Variants in PLD2 observed in about 807,000 individuals in gnomAD.
PLD2 encodes the protein phospholipase D2, also known as choline phosphatase 2.
Under a neutral mutation model 119.8 loss-of-function variants are expected in PLD2, and 101 were observed. The observed-to-expected ratio is 0.84, with a 90% CI of 0.72 to 0.99. The LOEUF (loss-of-function observed/expected upper bound fraction) is 0.99. Among genes scored for constraint, PLD2 ranks in the 50% least tolerant of loss-of-function variants. The probability of loss-of-function intolerance (pLI) is 0.00; values close to 1 mark genes in which losing one functional copy is unlikely to be tolerated. For synonymous variants in PLD2, 494 were observed against 482.8 expected (o/e 1.02, Z -0.30); for missense variants, 1,164 against 1,226.8 (o/e 0.95, Z 0.76).
Position 4,823,059 on chromosome 17 carries a change from G to A in PLD2, c.*195G>A. 1 of 568,266 alleles carries A rather than the reference G, an allele frequency of 1.8e-6. No homozygotes were observed. The highest frequency in any genetic ancestry group is 3.1e-6 in the Non-Finnish European group (1 of 318,708). The allele number at this position is 568,266 out of a possible 1,614,324, so 35.2% of individuals were successfully genotyped here. On this transcript the variant is annotated 3_prime_UTR_variant, in exon 25 of 25. Coordinates refer to ENST00000263088, the MANE Select transcript of PLD2 (RefSeq NM_002663.5). Reference sequence around the variant, plus strand: ...AAAGGGCACTCCCAACCCTGGGCTGGGGAGGAGGAGAGAGTCCCAGAGCTC... The same window carrying A: ...AAAGGGCACTCCCAACCCTGGGCTGAGGAGGAGGAGAGAGTCCCAGAGCTC...
rs757648809 is a variant in PLD2 at position 4,819,481 on chromosome 17, G to A, written c.2361G>A (p.Leu787=). The A allele has an allele frequency of 5.0e-6, 8 of 1,613,994 alleles. No individual in the cohort carries two copies. Among genetic ancestry groups the A allele is most frequent in the South Asian group, 1.1e-5 (1 of 91,068 alleles). The change falls in exon 23 of 25, where the codon CTG becomes CTA. Residue 787 remains leucine (L), a synonymous_variant. Transcript: ENST00000263088. This position sits in a 1 kb window ranked among gnomAD's most constrained non-coding sequence, Gnocchi z 4.2. ...RSLLGKRDSE[L]AVLIEDTETE... Reference sequence around the variant, plus strand: ...TGCTGGGGAAGCGGGACAGTGAGCTGGCCGTGCTGATCGAGGACACAGAGA... The same window carrying A: ...TGCTGGGGAAGCGGGACAGTGAGCTAGCCGTGCTGATCGAGGACACAGAGA...
intron 17 of PLD2, among the ~76,000 whole-genome samples, chr17:4,817,532 C>T (rs749554734): frequency 1.3e-5 from 2 of 151,032 alleles, no homozygotes; most frequent in African/African-American, 2.4e-5. Context: ...CGTGGTGGTG[C>T]GTACCTGTAG....
At position 4,819,423 on chromosome 17, in the gene PLD2, C is replaced by G; in HGVS notation, c.2309-6C>G. On this transcript the variant is annotated splice_polypyrimidine_tract_variant and splice_region_variant and intron_variant, in intron 22 of 24. Coordinates refer to ENST00000263088, the MANE Select transcript of PLD2 (RefSeq NM_002663.5). This position sits in a 1 kb window ranked among gnomAD's most constrained non-coding sequence, Gnocchi z 4.2. ...AAGCACACAGTGTGCCCCGCATCCA[C>G]CCCAGGTTCTGCAAACATCAATGAC... 1 of 1,613,002 alleles carries G rather than the reference C, an allele frequency of 6.2e-7. No homozygotes were observed. Among genetic ancestry groups the G allele is most frequent in the South Asian group, 1.1e-5 (1 of 90,930 alleles).
Position 4,819,590 on chromosome 17 carries a change from T to A in PLD2, c.2462+8T>A. 1 of 1,599,490 alleles carries A rather than the reference T, an allele frequency of 6.3e-7. No individual in the cohort carries two copies. Among genetic ancestry groups the A allele is most frequent in the Non-Finnish European group, 8.5e-7 (1 of 1,171,450 alleles). The stretch of plus-strand genomic sequence containing the variant: ...GCGGAAGCACTGCTTCGGGTAGAGC[T>A]GGGGCGGGATGCCACAGGGTGGGAG... On this transcript the variant is annotated splice_region_variant and intron_variant, in intron 23 of 24. Transcript: ENST00000263088. This position sits in a 1 kb window ranked among gnomAD's most constrained non-coding sequence, Gnocchi z 4.2.
intron 12 of PLD2, 95 bp downstream of exon 12, chr17:4,814,806 G>A: frequency 9.1e-7 from 1 of 1,097,792 alleles, no homozygotes; most frequent in Non-Finnish European, 1.4e-6. Context: ...GCAGTCTGAG[G>A]CTTCAGGGGA....
intron 23 of PLD2, among the ~76,000 whole-genome samples, chr17:4,821,484 C>T (rs1409943125): frequency 1.3e-5 from 2 of 152,052 alleles, no homozygotes; most frequent in African/African-American, 4.8e-5. Flanking sequence ...ACCTCGACTT[C>T]GCCAGCTGAA....
At chr17:4,814,913 C>T (rs1906824694) in intron 12 of PLD2, among the ~76,000 whole-genome samples, 1 of 152,136 alleles carries the variant, frequency 6.6e-6, no homozygotes. Context: ...TTCATGCTCC[C>T]TCCACCTGGC....
intron 8 of PLD2, 29 bp downstream of exon 8, chr17:4,809,812 G>A (rs760771642): frequency 8.7e-6 from 14 of 1,613,942 alleles, no homozygotes; most frequent in East Asian, 4.5e-5. Context: ...CAGCTGGGCA[G>A]TGGGTGGGGG....
Position 4,808,319 on chromosome 17 carries a change from T to A in PLD2, c.286T>A (p.Phe96Ile). Residue 96 changes from phenylalanine to isoleucine, a missense_variant, in exon 4 of 25, where the codon TTT becomes ATT. Physicochemically the swap from Phe to Ile is conservative, Grantham distance 21. Coordinates refer to ENST00000263088, the MANE Select transcript of PLD2 (RefSeq NM_002663.5). The surrounding 1 kb of genome is among the most constrained non-coding windows in gnomAD (Gnocchi z 4.1). The part of the protein sequence containing the change: ...LYSVRLTHGD[F>I]SWTTKKKYRH... ...TTCTGTCCGCTTGACTCACGGCGAC[T>A]TTTCCTGGACAACCAAGAAGAAATA... The A allele has an allele frequency of 1.9e-6, 3 of 1,614,006 alleles. No individual in the cohort carries two copies. The highest frequency in any genetic ancestry group is 2.5e-6 in the Non-Finnish European group (3 of 1,179,908).
Position 4,808,364 on chromosome 17 carries a change from C to T in PLD2, c.331C>T (p.His111Tyr). ...KKKYRHFQEL[H>Y]RDLLRHKVLM... ...GAAATACCGTCATTTTCAGGAGCTG[C>T]ATCGGGACCTCCTGAGACACAAAGT... The change falls in exon 4 of 25, where the codon CAT becomes TAT. Residue 111 changes from histidine to tyrosine, a missense_variant. His to Tyr is a moderately conservative substitution (Grantham distance 83). Transcript: ENST00000263088. The surrounding 1 kb of genome is among the most constrained non-coding windows in gnomAD (Gnocchi z 4.1). The T allele has an allele frequency of 1.9e-6, 3 of 1,614,056 alleles. No individual in the cohort carries two copies. Among genetic ancestry groups the T allele is most frequent in the African/African-American group, 1.3e-5 (1 of 75,018 alleles).
rs773041470 is a variant in PLD2, at chr17:4,819,453, G to A, written c.2333G>A (p.Ser778Asn). 6.2e-7 allele frequency: 1 copy of A among 1,613,948 alleles called. No homozygotes were observed. Among genetic ancestry groups the A allele is most frequent in the Non-Finnish European group, 8.5e-7 (1 of 1,179,928 alleles). Residue 778 changes from serine to asparagine, a missense_variant, in exon 23 of 25, where the codon AGC (serine) becomes AAC (asparagine). Ser to Asn is a conservative substitution (Grantham distance 46, BLOSUM62 1). Transcript: ENST00000263088. The surrounding 1 kb of genome is among the most constrained non-coding windows in gnomAD (Gnocchi z 4.2). ...IIGSANINDR[S>N]LLGKRDSELA... ...GGTTCTGCAAACATCAATGACCGGA[G>A]CTTGCTGGGGAAGCGGGACAGTGAG...
chr17:4,821,702 A>T, intron 23 of PLD2, 91 bp from the exon 24 acceptor site: 1 of 905,604 alleles, frequency 1.1e-6, no homozygotes. Flanking sequence ...GCCAATTTTG[A>T]ATTACCTGAG....
Position 4,819,840 on chromosome 17 carries a change from T to C in PLD2, c.2462+258T>C, listed in dbSNP as rs1372128072. ...TAGTGAAACCCGTCTCTACTAAAAA[T>C]ACAAAAAATCAGCTGGGTGTGGTGG... On this transcript the variant is annotated intron_variant, in intron 23 of 24. Coordinates refer to ENST00000263088, the MANE Select transcript of PLD2 (RefSeq NM_002663.5). The surrounding 1 kb of genome is among the most constrained non-coding windows in gnomAD (Gnocchi z 4.2). Among the ~76,000 whole-genome samples the C allele has an allele frequency of 6.6e-6, 1 of 151,960 alleles. No individual in the cohort carries two copies. The highest frequency in any genetic ancestry group is 6.6e-5 in the Admixed American group (1 of 15,258).
Position 4,810,046 on chromosome 17 carries a change from G to T in PLD2, c.860+17G>T. On this transcript the variant is annotated intron_variant, in intron 9 of 24. Transcript: ENST00000263088. ...CTCCCACAGGTGAGGCCTCCCTGGG[G>T]TGAGAGACACCAGCTGAGTGGTGAG... 1 of 1,611,448 alleles carries T rather than the reference G, an allele frequency of 6.2e-7. No homozygotes were observed. The highest frequency in any genetic ancestry group is 8.5e-7 in the Non-Finnish European group (1 of 1,179,706).
Position 4,818,386 on chromosome 17 carries a change from G to A in PLD2, c.2009+1G>A, listed in dbSNP as rs1375367341. 2 of 1,613,948 alleles carry A rather than the reference G, an allele frequency of 1.2e-6. No individual in the cohort carries two copies. Among genetic ancestry groups the A allele is most frequent in the Non-Finnish European group, 1.7e-6 (2 of 1,179,794 alleles). Reference sequence around the variant, plus strand: ...TGGACAGAATCCTGAAGGCCCACAAGTAAGGTGGACTGTCAGGAAGGTGGG... The same window carrying A: ...TGGACAGAATCCTGAAGGCCCACAAATAAGGTGGACTGTCAGGAAGGTGGG... On this transcript the variant is annotated splice_donor_variant, in intron 19 of 24. Coordinates refer to ENST00000263088, the MANE Select transcript of PLD2 (RefSeq NM_002663.5). LOFTEE classifies it high-confidence loss of function.
rs559452251 is a variant in PLD2 at position 4,809,333 on chromosome 17, C to G, written c.525C>G (p.Thr175=). 1.9e-6 allele frequency: 3 copies of G among 1,614,130 alleles called. No homozygotes were observed. Among genetic ancestry groups the G allele is most frequent in the South Asian group, 2.2e-5 (2 of 91,084 alleles). The change falls in exon 6 of 25, where the codon ACC becomes ACG. Residue 175 remains threonine, a synonymous_variant. Coordinates refer to ENST00000263088, the MANE Select transcript of PLD2 (RefSeq NM_002663.5). ...YLENYLNRLL[T]MSFYRNYHAM... ...AGAATTACCTCAACCGTCTCTTGAC[C>G]ATGTCTTTCTATCGCAACTACCATG...
chr17:4,815,623 C>A, intron 13 of PLD2, 37 bp downstream of exon 13: 1 of 1,576,344 alleles, frequency 6.3e-7, no homozygotes. Context: ...CACATGACAG[C>A]CCTTCTCCCC....
At chr17:4,816,770 C>A in intron 15 of PLD2, 24 bp downstream of exon 15, 1 of 1,614,116 alleles carries the variant, frequency 6.2e-7, no homozygotes. Flanking sequence ...CCCGCCAAAG[C>A]CCCAGAGAGC....
intron 24 of PLD2, 125 bp from the exon 25 acceptor site, chr17:4,822,513 AGT>A: frequency 3.3e-6 from 2 of 599,148 alleles, no homozygotes; most frequent in Non-Finnish European, 5.8e-6. Context: ...AGAGAGAGAG[AGT>A]TAGTGGCCCA....
Sources: gnomAD v4.1 joint callset for allele counts (sites outside exome capture counted in the v4.1 genomes callset) on GRCh38, gnomAD v4.1.1 for gene constraint, Gnocchi (gnomAD v3.1) non-coding constraint, MANE v1.5 for transcripts, NCBI Gene and HGNC (gene_info 2026-07-23, HGNC 2026-07-21) for gene names.